FMNL3: variants seen among roughly 807,000 people sequenced by gnomAD.
FMNL3 encodes the protein formin like 3.
Under a neutral mutation model 119.6 loss-of-function variants are expected in FMNL3, and 57 were observed. The observed-to-expected ratio is 0.48, with a 90% CI of 0.39 to 0.59. The LOEUF (loss-of-function observed/expected upper bound fraction) is 0.59, where lower values mean the gene tolerates loss of function less well. Ranked by LOEUF, FMNL3 falls within the 20% of genes least tolerant of loss-of-function variation. The pLI is 0.00. For missense variants in FMNL3, 1,053 were observed against 1,323.5 expected, an observed-to-expected ratio of 0.80 and a Z score of 3.17; for synonymous variants, 491 against 507.3, an observed-to-expected ratio of 0.97 and a Z score of 0.43.
At chr12:49,652,255 G>C (rs780897077) in intron 13 of FMNL3, 43 bp from the exon 14 acceptor site, 7 of 1,585,356 alleles carry the variant, frequency 4.4e-6, no homozygotes, top group Middle Eastern at 1.7e-4. Context: ...TGGGCTGAAG[G>C]CATAGTCATT....
At chr12:49,654,617 G>C (rs1252931640) in intron 10 of FMNL3, among the ~76,000 whole-genome samples, 1 of 152,154 alleles carries the variant, frequency 6.6e-6, no homozygotes, top group Non-Finnish European at 1.5e-5. Flanking sequence ...GTGAGGGGAA[G>C]AGAAGCTAGA....
At chr12:49,703,478 A>G (rs1024555750) in intron 1 of FMNL3, among the ~76,000 whole-genome samples, 11 of 152,194 alleles carry the variant, frequency 7.2e-5, no homozygotes, top group Non-Finnish European at 1.3e-4. Flanking sequence ...GGATGCCAAG[A>G]AGCAGTGTAA....
rs748537008 is a variant in FMNL3, at chr12:49,647,733, T to C, written c.2748A>G (p.Pro916=). The change falls in exon 23 of 26, where the codon CCA becomes CCG. Residue 916 remains proline (P), a synonymous_variant. Coordinates refer to ENST00000335154, the MANE Select transcript of FMNL3 (RefSeq NM_175736.5). This position sits in a 1 kb window ranked among gnomAD's most constrained non-coding sequence, Gnocchi z 4.9. ...PKTTPPSVFF[P]VFVRFIRSYK... is the part of the protein sequence containing the mutation. ...AAGAACGAATGAATCGGACAAATAC[T>C]GGGAAGAATACAGAAGGAGGTGTAG... 2.2e-5 allele frequency: 35 copies of C among 1,614,154 alleles called. No homozygotes were observed. Among genetic ancestry groups the C allele is most frequent in the Non-Finnish European group, 2.9e-5 (34 of 1,179,988 alleles).
chr12:49,651,256 C>T lies in FMNL3; in HGVS notation c.1709G>A (p.Arg570Gln), dbSNP rs757255388. 9.9e-6 allele frequency: 16 copies of T among 1,613,002 alleles called. No homozygotes were observed. The highest frequency in any genetic ancestry group is 2.2e-5 in the South Asian group (2 of 91,062). ...RIKKPIKTKF[R>Q]LPVFNWTALK... ...TGCTGTCCAGTTGAAGACAGGCAGC[C>T]GGAACTTGGTCTTGATAGGTTTCTT... Residue 570 changes from arginine (R) to glutamine (Q), a missense_variant, in exon 16 of 26, where the codon CGG becomes CAG. Coordinates refer to ENST00000335154, the MANE Select transcript of FMNL3 (RefSeq NM_175736.5).
intron 1 of FMNL3, among the ~76,000 whole-genome samples, chr12:49,699,829 T>C (rs1038050367): frequency 8.3e-4 from 126 of 152,340 alleles, no homozygotes; most frequent in African/African-American, 2.9e-3. Flanking sequence ...CAAGATACCA[T>C]GTCTAATTAA....
Position 49,636,519 on chromosome 12 carries a change from C to T in FMNL3, c.*9296G>A. On this transcript the variant is annotated 3_prime_UTR_variant, in exon 26 of 26. Transcript: ENST00000335154. Reference sequence around the variant, plus strand: ...AGAGCTGAATACTTGCTTATTTATTCTTATACAATTAATGATCCCCTCTTA... The same window carrying T: ...AGAGCTGAATACTTGCTTATTTATTTTTATACAATTAATGATCCCCTCTTA... 1.7e-6 allele frequency: 1 copy of T among 586,714 alleles called. No individual in the cohort carries two copies. Among genetic ancestry groups the T allele is most frequent in the South Asian group, 2.4e-5 (1 of 40,842 alleles). The allele number at this position is 586,714 out of a possible 1,614,324, so 36.3% of individuals were successfully genotyped here. A position where few individuals can be genotyped will look rare whatever the true frequency, so the allele number is the denominator to read the frequency against.
At chr12:49,656,743 G>A (rs1291842252) in intron 8 of FMNL3, 80 bp downstream of exon 8, 12 of 1,379,244 alleles carry the variant, frequency 8.7e-6, no homozygotes, top group African/African-American at 1.4e-5. Context: ...AGGCCAGGCA[G>A]AACTTGTCAG....
chr12:49,663,376 T>C (rs1196205358), intron 4 of FMNL3, among the ~76,000 whole-genome samples: 1 of 152,190 alleles, frequency 6.6e-6, no homozygotes, highest in Non-Finnish European at 1.5e-5. Context: ...TGAGTTCCCA[T>C]CTGCTGCTCC....
chr12:49,649,107 C>T lies in FMNL3; in HGVS notation c.2437G>A (p.Ala813Thr), dbSNP rs564370757. 6 of 1,613,708 alleles carry T rather than the reference C, an allele frequency of 3.7e-6. No homozygotes were observed. The highest frequency in any genetic ancestry group is 2.2e-5 in the East Asian group (1 of 44,884). Residue 813 changes from alanine (A) to threonine (T), a missense_variant, in exon 21 of 26, where the codon GCC becomes ACC. By Grantham distance (58) the Ala-to-Thr change is moderately conservative (BLOSUM62 0). Around this residue, in one of 4 missense-constraint regions of FMNL3, gnomAD observed 324 missense variants for 380.9 expected, o/e 0.85. Transcript: ENST00000335154. This position sits in a 1 kb window ranked among gnomAD's most constrained non-coding sequence, Gnocchi z 5.6. ...DRKMTLLHFI[A>T]LTVKEKYPDL... Reference sequence around the variant, plus strand: ...GGGTATTTCTCCTTCACTGTCAAGGCGATGAAATGAAGCAGTGTCATCTTC... The same window carrying T: ...GGGTATTTCTCCTTCACTGTCAAGGTGATGAAATGAAGCAGTGTCATCTTC...
In FMNL3 at chr12:49,647,102, T is replaced by C. The variant is rs1943226496; in HGVS notation, c.2872-93A>G. The C allele has an allele frequency of 6.3e-7, 1 of 1,589,916 alleles. No individual in the cohort carries two copies. Among genetic ancestry groups the C allele is most frequent in the Non-Finnish European group, 8.6e-7 (1 of 1,164,398 alleles). On this transcript the variant is annotated intron_variant, in intron 24 of 25. Coordinates refer to ENST00000335154, the MANE Select transcript of FMNL3 (RefSeq NM_175736.5). This position sits in a 1 kb window ranked among gnomAD's most constrained non-coding sequence, Gnocchi z 4.9. ...AGGTGCAGTCTGAGGATGCCACTGC[T>C]TGTGCACTGCTAGGAATCCCCAAAG...
Position 49,637,709 on chromosome 12 carries a change from G to A in FMNL3, c.*8106C>T, listed in dbSNP as rs1048430377. 4 of 1,524,186 alleles carry A rather than the reference G, an allele frequency of 2.6e-6. No individual in the cohort carries two copies. Among genetic ancestry groups the A allele is most frequent in the Non-Finnish European group, 3.6e-6 (4 of 1,106,046 alleles). 94.4% of individuals were successfully genotyped at this position (1,524,186 alleles called of 1,614,324 possible). On this transcript the variant is annotated 3_prime_UTR_variant, in exon 26 of 26. Coordinates refer to ENST00000335154, the MANE Select transcript of FMNL3 (RefSeq NM_175736.5). ...GCCTTGGGAAGCTGCCGCCCGCCAG[G>A]CCCCCCTCCCTCCCTCCTTACAGGC...
At chr12:49,658,718 G>C (rs1943649822) in intron 5 of FMNL3, 124 bp from the exon 6 acceptor site, 1 of 1,184,448 alleles carries the variant, frequency 8.4e-7, no homozygotes, top group Admixed American at 3.0e-5. Flanking sequence ...AGCAGGGGTA[G>C]CAAGGAGAGA....
chr12:49,643,354 C>A lies in FMNL3; in HGVS notation c.*2461G>T. On this transcript the variant is annotated 3_prime_UTR_variant, in exon 26 of 26. Coordinates refer to ENST00000335154, the MANE Select transcript of FMNL3 (RefSeq NM_175736.5). ...ATTCAGTTGAAAGTGGGGGTGCTGC[C>A]CTTGGAGGACGGGGCTCCCCTTCCT... The A allele has an allele frequency of 6.3e-7, 1 of 1,594,540 alleles. No homozygotes were observed. Among genetic ancestry groups the A allele is most frequent in the Non-Finnish European group, 8.5e-7 (1 of 1,170,740 alleles).
intron 1 of FMNL3, among the ~76,000 whole-genome samples, chr12:49,691,635 G>A (rs111226923): frequency 1.7e-4 from 26 of 152,268 alleles, no homozygotes; most frequent in African/African-American, 6.3e-4. Flanking sequence ...CAGGGCACAG[G>A]GCAGTGGCCA....
chr12:49,655,842 G>A (rs188696010), intron 9 of FMNL3, among the ~76,000 whole-genome samples: 92 of 152,302 alleles, frequency 6.0e-4, no homozygotes, highest in Non-Finnish European at 9.1e-4. Context: ...GCTGGATGTC[G>A]AAGAATCCTA....
At chr12:49,694,606 T>C (rs1944701154) in intron 1 of FMNL3, among the ~76,000 whole-genome samples, 1 of 152,194 alleles carries the variant, frequency 6.6e-6, no homozygotes, top group African/African-American at 2.4e-5. Context: ...TTCACCCAGA[T>C]AATTAGTATA....
At position 49,643,623 on chromosome 12, in the gene FMNL3, G is replaced by A; in HGVS notation, c.*2192C>T. ...CCTGCCTGTGAAGAATGAACAGAGG[G>A]GCTAGAACAAAGAAAAAGAGCCTGT... On this transcript the variant is annotated 3_prime_UTR_variant, in exon 26 of 26. Coordinates refer to ENST00000335154, the MANE Select transcript of FMNL3 (RefSeq NM_175736.5). 6.5e-7 allele frequency: 1 copy of A among 1,532,962 alleles called. No homozygotes were observed. Among genetic ancestry groups the A allele is most frequent in the East Asian group, 2.3e-5 (1 of 44,338 alleles). The allele number at this position is 1,532,962 out of a possible 1,614,324, so 95.0% of individuals were successfully genotyped here.
chr12:49,667,079 C>A (rs1943912008), intron 2 of FMNL3, among the ~76,000 whole-genome samples: 1 of 152,078 alleles, frequency 6.6e-6, no homozygotes, highest in African/African-American at 2.4e-5. Context: ...CTACCTAGGA[C>A]CTGGGACCAC....
rs1942639386 is a variant in FMNL3, at chr12:49,641,473, A to G, written c.*4342T>C. On this transcript the variant is annotated 3_prime_UTR_variant, in exon 26 of 26. Transcript: ENST00000335154. ...TGTAGAACCAAGAGGATTAAATGAG[A>G]TAATGTGTGAAACACTCATCATGGT... 6.0e-6 allele frequency: 1 copy of G among 167,242 alleles called. No homozygotes were observed. 10.4% of individuals were successfully genotyped at this position (167,242 alleles called of 1,614,324 possible).
Sources: gnomAD v4.1 joint callset for allele counts (sites outside exome capture counted in the v4.1 genomes callset) on GRCh38, gnomAD v4.1.1 for gene constraint, gnomAD v4.1.1 regional missense constraint, Gnocchi (gnomAD v3.1) non-coding constraint, MANE v1.5 for transcripts, NCBI Gene and HGNC (gene_info 2026-07-23, HGNC 2026-07-21) for gene names.